Variants in STX18 observed in about 807,000 individuals in gnomAD.
STX18 encodes the protein syntaxin 18.
A neutral mutation model predicts 50.1 loss-of-function variants in STX18; 40 were observed. The observed-to-expected ratio is 0.80, with a 90% CI of 0.62 to 1.04. The LOEUF (loss-of-function observed/expected upper bound fraction) is 1.04, where lower values mean the gene tolerates loss of function less well. Ranked by LOEUF, STX18 falls within the 50% of genes least tolerant of loss-of-function variation. STX18 has a pLI of 0.00. For synonymous variants in STX18, 158 were observed against 151.8 expected, an observed-to-expected ratio of 1.04 and a Z score of -0.30; for missense variants, 410 against 415.8, an observed-to-expected ratio of 0.99 and a Z score of 0.12.
chr4:4,429,248 T>C (rs546205357), intron 7 of STX18, among the ~76,000 whole-genome samples: 68 of 152,326 alleles, frequency 4.5e-4, no homozygotes, highest in African/African-American at 1.6e-3. Context: ...ACATGCGCAT[T>C]AGACAATATC....
chr4:4,473,231 T>C (rs1455916705), intron 1 of STX18, among the ~76,000 whole-genome samples: 1 of 151,984 alleles, frequency 6.6e-6, no homozygotes, highest in African/African-American at 2.4e-5. Flanking sequence ...TGCACCACCA[T>C]GCCTGCCTGC....
Position 4,542,024 on chromosome 4 carries a change from G to T in STX18, c.-60C>A, listed in dbSNP as rs901407467. ...CCCACGTAAGCAGCCGGCGACCGCG[G>T]CGCGAACCCGGCCGCTGAAGGACTG... On this transcript the variant is annotated 5_prime_UTR_variant, in exon 1 of 11. Transcript: ENST00000306200. 1 of 1,478,020 alleles carries T rather than the reference G, an allele frequency of 6.8e-7. No homozygotes were observed. Among genetic ancestry groups the T allele is most frequent in the East Asian group, 2.7e-5 (1 of 36,976 alleles). The allele number at this position is 1,478,020 out of a possible 1,614,324, so 91.6% of individuals were successfully genotyped here.
intron 1 of STX18, among the ~76,000 whole-genome samples, chr4:4,500,320 C>T (rs1032363735): frequency 1.3e-5 from 2 of 152,202 alleles, no homozygotes; most frequent in Admixed American, 6.5e-5. Context: ...ATTCAACCAA[C>T]CATGGACGGA....
intron 1 of STX18, among the ~76,000 whole-genome samples, chr4:4,481,004 G>A (rs1313517270): frequency 6.6e-6 from 1 of 152,206 alleles, no homozygotes; most frequent in Non-Finnish European, 1.5e-5. Flanking sequence ...CACAAAGGGA[G>A]CTCTGGGAGC....
At chr4:4,447,450 G>T (rs1333491488) in intron 5 of STX18, among the ~76,000 whole-genome samples, 16 of 150,330 alleles carry the variant, frequency 1.1e-4, no homozygotes, top group South Asian at 4.2e-4. Flanking sequence ...AATTAGCCGG[G>T]CGTGGTAGCG....
At chr4:4,526,989 C>A (rs1451357751) in intron 1 of STX18, among the ~76,000 whole-genome samples, 1 of 152,086 alleles carries the variant, frequency 6.6e-6, no homozygotes, top group South Asian at 2.1e-4. Flanking sequence ...CTTGATAGCT[C>A]TTCTTTTTCT....
In STX18 at chr4:4,531,352, G is replaced by A. The variant is rs146958056; in HGVS notation, c.168+10445C>T. On this transcript the variant is annotated intron_variant, in intron 1 of 10. Coordinates refer to ENST00000306200, the MANE Select transcript of STX18 (RefSeq NM_016930.4). ...GTGTTTCTATTTATCCAAATCTTCT[G>A]TATCTGTCTACAAAATTTTGCAGTT... Among the ~76,000 whole-genome samples the A allele has an allele frequency of 8.5e-3, 1,293 of 152,116 alleles. 7 individuals carry two copies. Among genetic ancestry groups the A allele is most frequent in the Non-Finnish European group, 0.013 (866 of 67,982 alleles).
chr4:4,459,451 T>A lies in STX18; in HGVS notation c.273A>T (p.Thr91=), dbSNP rs749603395. 1.9e-6 allele frequency: 3 copies of A among 1,614,174 alleles called. No homozygotes were observed. The highest frequency in any genetic ancestry group is 2.5e-6 in the Non-Finnish European group (3 of 1,180,018). Residue 91 remains threonine, a synonymous_variant, in exon 3 of 11, where the codon ACA becomes ACT. Coordinates refer to ENST00000306200, the MANE Select transcript of STX18 (RefSeq NM_016930.4). ...CATCCTGGTCTATCTGGTCTCGTTCTGTGTCTGTCATCCTCCCATATTCAG... is the reference window on the plus strand; with the variant it reads ...CATCCTGGTCTATCTGGTCTCGTTCAGTGTCTGTCATCCTCCCATATTCAG... ...TMSEYGRMTD[T]ERDQIDQDAQ...
chr4:4,425,516 C>G lies in STX18; in HGVS notation c.703-294G>C, dbSNP rs112822865. Reference sequence around the variant, plus strand: ...CTGTAGCTGTATCTACCTACCCGCTCTCCCCTGGGATCCCACGGCCTGCTT... The same window carrying G: ...CTGTAGCTGTATCTACCTACCCGCTGTCCCCTGGGATCCCACGGCCTGCTT... On this transcript the variant is annotated intron_variant, in intron 7 of 10. Transcript: ENST00000306200. The G allele has an allele frequency of 1.3e-4, 67 of 530,378 alleles. 1 individual carries two copies. The highest frequency in any genetic ancestry group is 1.0e-3 in the African/African-American group (54 of 52,976). The allele number at this position is 530,378 out of a possible 1,614,324, so 32.9% of individuals were successfully genotyped here.
At chr4:4,442,398 C>T (rs899972355) in intron 5 of STX18, among the ~76,000 whole-genome samples, 6 of 151,734 alleles carry the variant, frequency 4.0e-5, no homozygotes, top group Non-Finnish European at 7.4e-5. Context: ...CCGAGGAGGG[C>T]GAATCACTTG....
chr4:4,443,847 T>C (rs1303610596), intron 5 of STX18, among the ~76,000 whole-genome samples: 2 of 152,326 alleles, frequency 1.3e-5, no homozygotes, highest in East Asian at 3.9e-4. Flanking sequence ...CCTCTGATGA[T>C]AAAAACTTTC....
At chr4:4,505,883 T>C (rs59121555) in intron 1 of STX18, among the ~76,000 whole-genome samples, 3,735 of 152,308 alleles carry the variant, frequency 0.025, 150 homozygotes, top group African/African-American at 0.085. Flanking sequence ...TCCTGAACCT[T>C]AGTAAGTCGG....
At chr4:4,444,258 C>A (rs1726270777) in intron 5 of STX18, among the ~76,000 whole-genome samples, 3 of 152,182 alleles carry the variant, frequency 2.0e-5, no homozygotes, top group Admixed American at 1.3e-4. Flanking sequence ...TAAATAAGTT[C>A]CCCCAAATAA....
chr4:4,447,115 C>G (rs1462237255), intron 5 of STX18, among the ~76,000 whole-genome samples: 3 of 152,210 alleles, frequency 2.0e-5, no homozygotes, highest in Non-Finnish European at 4.4e-5. Context: ...AATTTAGCAT[C>G]TATGACTTAA....
intron 1 of STX18, among the ~76,000 whole-genome samples, chr4:4,527,936 G>A (rs1730875249): frequency 6.6e-6 from 1 of 151,316 alleles, no homozygotes; most frequent in Non-Finnish European, 1.5e-5. Context: ...TTCTGGGCAT[G>A]GGGAAGACAT....
chr4:4,533,518 T>A (rs1186155313), intron 1 of STX18, among the ~76,000 whole-genome samples: 1 of 152,206 alleles, frequency 6.6e-6, no homozygotes, highest in East Asian at 1.9e-4. Context: ...TAGCAGAAGC[T>A]CAAAAATGAC....
intron 1 of STX18, among the ~76,000 whole-genome samples, chr4:4,511,737 TG>T (rs1730015603): frequency 2.0e-5 from 3 of 150,622 alleles, no homozygotes; most frequent in Non-Finnish European, 4.4e-5. Flanking sequence ...TGTGTGTGTG[TG>T]TGTGTGTGTG....
intron 1 of STX18, among the ~76,000 whole-genome samples, chr4:4,499,219 C>T (rs1463222214): frequency 6.6e-6 from 1 of 152,122 alleles, no homozygotes; most frequent in East Asian, 1.9e-4. Flanking sequence ...TAAACCGTAC[C>T]TTGTGGAATG....
intron 1 of STX18, among the ~76,000 whole-genome samples, chr4:4,529,179 C>T (rs538462846): frequency 4.6e-5 from 7 of 152,118 alleles, no homozygotes; most frequent in East Asian, 3.9e-4. Context: ...CTGGCTAACA[C>T]GGTGAAACCC....
Sources: gnomAD v4.1 joint callset for allele counts (sites outside exome capture counted in the v4.1 genomes callset) on GRCh38, gnomAD v4.1.1 for gene constraint, MANE v1.5 for transcripts, NCBI Gene and HGNC (gene_info 2026-07-23, HGNC 2026-07-21) for gene names.